Variants in HERC6 observed in about 807,000 individuals in gnomAD.
The protein encoded by HERC6 is HECT and RLD domain containing E3 ubiquitin protein ligase family member 6.
A neutral mutation model predicts 114.5 loss-of-function variants in HERC6; 101 were observed. The ratio of observed to expected loss-of-function variants is 0.88; its 90% CI spans 0.75 to 1.04. HERC6 has a LOEUF of 1.04. Among genes scored for constraint, HERC6 ranks in the 50% least tolerant of loss-of-function variants. HERC6 has a pLI of 0.00. For missense variants in HERC6, 1,133 were observed against 1,230.9 expected (o/e 0.92, Z 1.19); for synonymous variants, 408 against 436.2 (o/e 0.94, Z 0.81).
At chr4:88,381,322 A>G (rs544611438) in intron 1 of HERC6, among the ~76,000 whole-genome samples, 1 of 152,136 alleles carries the variant, frequency 6.6e-6, no homozygotes, top group Non-Finnish European at 1.5e-5. Flanking sequence ...AGGGGAATTT[A>G]CATGCGTGGG....
chr4:88,400,101 G>C (rs1180344027), intron 8 of HERC6, among the ~76,000 whole-genome samples: 3 of 152,188 alleles, frequency 2.0e-5, no homozygotes, highest in Non-Finnish European at 4.4e-5. Context: ...TGTGAGGGGG[G>C]ACCCATCTGA....
intron 8 of HERC6, 41 bp downstream of exon 8, chr4:88,398,250 T>C: frequency 1.6e-6 from 2 of 1,272,136 alleles, no homozygotes; most frequent in Non-Finnish European, 2.2e-6. Context: ...AATTATTTTT[T>C]CTCAAGATTT....
rs1734549417 is a variant in HERC6 at position 88,385,864 on chromosome 4, C to T, written c.436+289C>T. 5.3e-5 allele frequency among the ~76,000 whole-genome samples: 8 copies of T among 152,302 alleles called. No individual in the cohort carries two copies. The South Asian group carries it at 1.7e-3, about 32-fold the overall frequency. On this transcript the variant is annotated intron_variant, in intron 3 of 22. Coordinates refer to ENST00000264346, the MANE Select transcript of HERC6 (RefSeq NM_017912.4). The stretch of plus-strand genomic sequence containing the variant: ...TATTTCCAGCCCTTTGCTCTTTATG[C>T]TGAATGGCCTGTCCACACTGGCAGA...
chr4:88,401,171 A>G (rs146450091), intron 8 of HERC6, among the ~76,000 whole-genome samples: 13 of 152,206 alleles, frequency 8.5e-5, no homozygotes, highest in African/African-American at 3.1e-4. Flanking sequence ...AGAATAGAGA[A>G]CTGCGAGAGG....
In HERC6 at chr4:88,380,412, T is replaced by G. The variant is rs868093840; in HGVS notation, c.199+1292T>G. Among the ~76,000 whole-genome samples the G allele has an allele frequency of 4.0e-4, 34 of 84,932 alleles. 1 individual carries two copies. The South Asian group carries it at 0.011, about 28-fold the overall frequency. The allele number at this position is 84,932 out of a possible 152,430, so 55.7% of individuals were successfully genotyped here. A position where few individuals can be genotyped will look rare whatever the true frequency, so the allele number is the denominator to read the frequency against. On this transcript the variant is annotated intron_variant, in intron 1 of 22. Transcript: ENST00000264346. ...TATATAAATATATATATATAATATA[T>G]AAATATATATATATACACATAATAG...
chr4:88,406,965 A>T (rs1735843015), intron 10 of HERC6, among the ~76,000 whole-genome samples: 1 of 151,972 alleles, frequency 6.6e-6, no homozygotes, highest in South Asian at 2.1e-4. Context: ...CACCATGTTG[A>T]CCAGGCTGGT....
rs780643056 is a variant in HERC6, at chr4:88,413,112, T to G, written c.1404T>G (p.Ala468=). The G allele has an allele frequency of 6.2e-7, 1 of 1,613,386 alleles. No homozygotes were observed. Among genetic ancestry groups the G allele is most frequent in the South Asian group, 1.1e-5 (1 of 91,014 alleles). ...GTCTCGAGGATGATCTGCTCAGAGC[T>G]CTTCCATGCCATTCTCCACACCAAG... ...TTCLEDDLLR[A]LPCHSPHQEA... is the part of the protein sequence containing the mutation. Residue 468 remains alanine, a synonymous_variant, in exon 12 of 23, where the codon GCT becomes GCG. Transcript: ENST00000264346.
chr4:88,430,598 A>AAAT (rs1458381221), intron 16 of HERC6, among the ~76,000 whole-genome samples: 1 of 151,384 alleles, frequency 6.6e-6, no homozygotes, highest in Admixed American at 6.6e-5. Context: ...ATAAATAAAT[A>AAAT]AATAAATAAA....
rs560414545 is a variant in HERC6 at position 88,425,413 on chromosome 4, T to C, written c.1935+711T>C. 7.3e-4 allele frequency among the ~76,000 whole-genome samples: 111 copies of C among 152,314 alleles called. 1 individual carries two copies. Among genetic ancestry groups the C allele is most frequent in the Non-Finnish European group, 2.8e-4 (19 of 68,020 alleles). On this transcript the variant is annotated intron_variant, in intron 15 of 22. Transcript: ENST00000264346. ...ACTTTCTTTATATAATATGTATCTA[T>C]TGTTTTCCTGCCATGAACAACACTG... is the stretch of plus-strand genomic sequence containing the variant.
intron 11 of HERC6, among the ~76,000 whole-genome samples, chr4:88,410,538 G>C (rs1448598496): frequency 2.6e-5 from 4 of 152,088 alleles, no homozygotes; most frequent in Non-Finnish European, 4.4e-5. Flanking sequence ...GGTCTCTTTT[G>C]TAAGGGCACT....
At chr4:88,437,893 A>C (rs1578437320) in intron 20 of HERC6, 112 bp downstream of exon 20, 1 of 805,066 alleles carries the variant, frequency 1.2e-6, no homozygotes, top group Non-Finnish European at 2.0e-6. Context: ...AATCCCAGCA[A>C]TTTGGGAGGC....
chr4:88,416,207 T>C (rs1736457288), intron 12 of HERC6, among the ~76,000 whole-genome samples: 1 of 152,222 alleles, frequency 6.6e-6, no homozygotes, highest in Non-Finnish European at 1.5e-5. Flanking sequence ...CTCAGGGAAG[T>C]GGGTTGAAGT....
chr4:88,417,264 A>G (rs1736568055), intron 12 of HERC6, among the ~76,000 whole-genome samples, 161 bp from the exon 13 acceptor site: 2 of 152,262 alleles, frequency 1.3e-5, no homozygotes, highest in Admixed American at 6.5e-5. Flanking sequence ...ATCTGTGAGC[A>G]GTAACTGTTG....
intron 2 of HERC6, among the ~76,000 whole-genome samples, chr4:88,385,035 AG>A (rs764430487): frequency 6.7e-6 from 1 of 149,460 alleles, no homozygotes; most frequent in Non-Finnish European, 1.5e-5. Context: ...AAAAAAAAAA[AG>A]GAAATTGCTG....
intron 17 of HERC6, among the ~76,000 whole-genome samples, chr4:88,432,653 T>C (rs942190194): frequency 6.6e-6 from 1 of 151,130 alleles, no homozygotes; most frequent in Non-Finnish European, 1.5e-5. Context: ...CACTTGAACC[T>C]AAGAGGCAGA....
chr4:88,381,175 T>C (rs1026517379), intron 1 of HERC6, among the ~76,000 whole-genome samples: 2 of 152,182 alleles, frequency 1.3e-5, no homozygotes, highest in African/African-American at 4.8e-5. Context: ...CTGCTGAGAA[T>C]AGTTTCAAAA....
At chr4:88,379,323 C>G (rs972429707) in intron 1 of HERC6, among the ~76,000 whole-genome samples, 1 of 151,954 alleles carries the variant, frequency 6.6e-6, no homozygotes, top group African/African-American at 2.4e-5. Flanking sequence ...CCTCGGGGCC[C>G]GAAGAGCCAC....
intron 12 of HERC6, among the ~76,000 whole-genome samples, chr4:88,417,018 A>T (rs1274110397): frequency 1.3e-5 from 2 of 152,214 alleles, no homozygotes; most frequent in East Asian, 3.8e-4. Context: ...CCAAACACAT[A>T]TATAATATTT....
intron 8 of HERC6, among the ~76,000 whole-genome samples, chr4:88,401,769 A>G (rs1437965760): frequency 6.6e-6 from 1 of 152,190 alleles, no homozygotes; most frequent in Non-Finnish European, 1.5e-5. Context: ...TAGGAAGAAA[A>G]GGAAGGGTTG....
Sources: allele counts gnomAD v4.1 joint callset (sites outside exome capture counted in the v4.1 genomes callset), GRCh38; gene constraint gnomAD v4.1.1; transcripts MANE v1.5; gene names NCBI Gene and HGNC (gene_info 2026-07-23, HGNC 2026-07-21).